Variants in PDLIM5 observed in about 807,000 individuals in gnomAD.
The protein encoded by PDLIM5 is PDZ and LIM domain 5, also known as PDZ and LIM domain protein 5.
In PDLIM5, 34 loss-of-function variants were observed where a neutral mutation model predicts 64.2. The observed-to-expected ratio is 0.53, with a 90% CI of 0.40 to 0.71. The LOEUF is 0.71. PDLIM5 is among the 30% of genes least tolerant of loss of function. The pLI, the probability that PDLIM5 is intolerant of heterozygous loss-of-function variation, is 0.00. For synonymous variants in PDLIM5, 253 were observed against 269.1 expected, an observed-to-expected ratio of 0.94 and a Z score of 0.59; for missense variants, 683 against 733.6, an observed-to-expected ratio of 0.93 and a Z score of 0.80.
intron 3 of PDLIM5, among the ~76,000 whole-genome samples, chr4:94,525,873 G>T (rs1327268945): frequency 6.6e-6 from 1 of 152,086 alleles, no homozygotes. Flanking sequence ...AAAGTAATTG[G>T]TTATAAAAAA....
chr4:94,464,702 T>C (rs1339888021), intron 2 of PDLIM5, among the ~76,000 whole-genome samples: 1 of 152,244 alleles, frequency 6.6e-6, no homozygotes, highest in Non-Finnish European at 1.5e-5. Context: ...ATCTTTATGC[T>C]ACTCACTTGC....
At position 94,557,265 on chromosome 4, in the gene PDLIM5, ATC is replaced by A. The variant is rs1438520565; in HGVS notation, c.249-16082_249-16081del. Among the ~76,000 whole-genome samples the A allele has an allele frequency of 6.6e-5, 10 of 152,172 alleles. No individual in the cohort carries two copies. In the South Asian group the frequency reaches 1.2e-3, roughly 19 times the overall value. On this transcript the variant is annotated intron_variant, in intron 3 of 12. Transcript: ENST00000317968. ...GCTCTGTTCTGTTCCATTGGTCTATATCTCTGTTTTGGTACCAGTACCATGCT... is the reference window on the plus strand; with the variant it reads ...GCTCTGTTCTGTTCCATTGGTCTATATCTGTTTTGGTACCAGTACCATGCT...
intron 8 of PDLIM5, among the ~76,000 whole-genome samples, chr4:94,632,703 A>T (rs970135964): frequency 6.6e-6 from 1 of 152,216 alleles, no homozygotes; most frequent in Non-Finnish European, 1.5e-5. Flanking sequence ...GACCCAATGT[A>T]ATCACAAGGG....
chr4:94,666,057 T>A lies in PDLIM5; in HGVS notation c.*1990T>A. On this transcript the variant is annotated 3_prime_UTR_variant, in exon 13 of 13. Transcript: ENST00000317968. ...GAAAGTCCATGAACCTCCTAAGTTA[T>A]AATTTAAATTTGTTTGGGGCAAGGT... 6.5e-7 allele frequency: 1 copy of A among 1,527,434 alleles called. No homozygotes were observed. Among genetic ancestry groups the A allele is most frequent in the Non-Finnish European group, 8.8e-7 (1 of 1,140,522 alleles). The allele number at this position is 1,527,434 out of a possible 1,614,324, so 94.6% of individuals were successfully genotyped here.
intron 3 of PDLIM5, among the ~76,000 whole-genome samples, chr4:94,562,029 A>G (rs1733898725): frequency 6.6e-6 from 1 of 152,196 alleles, no homozygotes; most frequent in Admixed American, 6.5e-5. Context: ...AGATCTGCTT[A>G]TTTTATGTCT....
intron 8 of PDLIM5, among the ~76,000 whole-genome samples, chr4:94,632,407 A>C (rs1468189622): frequency 6.6e-6 from 1 of 152,202 alleles, no homozygotes. Flanking sequence ...TCACTCTTCA[A>C]AACTTTTTAC....
chr4:94,603,616 A>T (rs980281806), intron 7 of PDLIM5, among the ~76,000 whole-genome samples: 4 of 152,142 alleles, frequency 2.6e-5, no homozygotes, highest in African/African-American at 9.7e-5. Flanking sequence ...GCTCCAAGAG[A>T]TCCACACCGC....
chr4:94,496,044 G>A (rs1727360452), intron 2 of PDLIM5, among the ~76,000 whole-genome samples: 1 of 149,762 alleles, frequency 6.7e-6, no homozygotes, highest in Admixed American at 6.6e-5. Flanking sequence ...TAAAGAATAT[G>A]TGACATTTCT....
intron 7 of PDLIM5, among the ~76,000 whole-genome samples, chr4:94,594,816 A>C (rs948077370): frequency 6.6e-6 from 1 of 152,284 alleles, no homozygotes; most frequent in African/African-American, 2.4e-5. Flanking sequence ...CATTTTTATC[A>C]GTCTTTTCTT....
chr4:94,609,385 G>A (rs1198340631), intron 7 of PDLIM5, among the ~76,000 whole-genome samples: 1 of 151,946 alleles, frequency 6.6e-6, no homozygotes, highest in Non-Finnish European at 1.5e-5. Context: ...TCCTGTCCAG[G>A]CATTTGATCT....
chr4:94,665,754 T>C lies in PDLIM5; in HGVS notation c.*1687T>C. 1 of 1,237,766 alleles carries C rather than the reference T, an allele frequency of 8.1e-7. No individual in the cohort carries two copies. The highest frequency in any genetic ancestry group is 1.0e-6 in the Non-Finnish European group (1 of 990,282). The allele number at this position is 1,237,766 out of a possible 1,614,324, so 76.7% of individuals were successfully genotyped here. On this transcript the variant is annotated 3_prime_UTR_variant, in exon 13 of 13. Coordinates refer to ENST00000317968, the MANE Select transcript of PDLIM5 (RefSeq NM_006457.5). Reference sequence around the variant, plus strand: ...TGAGGATGTGATGAAATTGAGACTTTTTGTGGTTTTCTCTCAATAATAAGT... The same window carrying C: ...TGAGGATGTGATGAAATTGAGACTTCTTGTGGTTTTCTCTCAATAATAAGT...
intron 3 of PDLIM5, among the ~76,000 whole-genome samples, chr4:94,531,449 T>G (rs1459935706): frequency 1.3e-5 from 2 of 152,184 alleles, no homozygotes; most frequent in East Asian, 1.9e-4. Context: ...TTGGCTTCCT[T>G]GGGCCACGTT....
intron 2 of PDLIM5, among the ~76,000 whole-genome samples, chr4:94,503,836 G>C (rs1728147163): frequency 6.6e-6 from 1 of 152,160 alleles, no homozygotes; most frequent in Non-Finnish European, 1.5e-5. Flanking sequence ...ATAAATAGCA[G>C]GTTGTGATTT....
intron 2 of PDLIM5, among the ~76,000 whole-genome samples, chr4:94,521,492 T>C (rs949266386): frequency 1.3e-5 from 2 of 151,960 alleles, no homozygotes; most frequent in East Asian, 1.9e-4. Flanking sequence ...TCCATGTGGC[T>C]ATAGGATTCC....
At chr4:94,594,690 A>G (rs972905178) in intron 7 of PDLIM5, among the ~76,000 whole-genome samples, 2 of 152,124 alleles carry the variant, frequency 1.3e-5, no homozygotes, top group East Asian at 1.9e-4. Flanking sequence ...CATGTTCTCA[A>G]TTTTCTACTA....
At position 94,665,567 on chromosome 4, in the gene PDLIM5, C is replaced by A; in HGVS notation, c.*1500C>A. On this transcript the variant is annotated 3_prime_UTR_variant, in exon 13 of 13. Coordinates refer to ENST00000317968, the MANE Select transcript of PDLIM5 (RefSeq NM_006457.5). ...GGAATTGTGAATCAGAAGATTATAC[C>A]CCCCAATTGTTTTTCAATCCCCTTT... 1.1e-6 allele frequency: 1 copy of A among 909,508 alleles called. No homozygotes were observed. Among genetic ancestry groups the A allele is most frequent in the Non-Finnish European group, 1.3e-6 (1 of 785,390 alleles). The allele number at this position is 909,508 out of a possible 1,614,324, so 56.3% of individuals were successfully genotyped here. A position where few individuals can be genotyped will look rare whatever the true frequency, so the allele number is the denominator to read the frequency against.
chr4:94,578,288 T>G (rs1169504391), intron 5 of PDLIM5, among the ~76,000 whole-genome samples: 2 of 152,178 alleles, frequency 1.3e-5, no homozygotes, highest in Non-Finnish European at 2.9e-5. Context: ...ATTTTTAAAC[T>G]GAAACTAGGC....
intron 11 of PDLIM5, among the ~76,000 whole-genome samples, chr4:94,660,734 G>A (rs1012990690): frequency 2.8e-4 from 42 of 152,196 alleles, no homozygotes; most frequent in Non-Finnish European, 1.9e-4. Flanking sequence ...ATTGACAATT[G>A]CCAAGTAAGG....
chr4:94,554,467 C>T (rs1353805258), intron 3 of PDLIM5, among the ~76,000 whole-genome samples: 1 of 151,878 alleles, frequency 6.6e-6, no homozygotes, highest in African/African-American at 2.4e-5. Flanking sequence ...TATATACATT[C>T]GTACGTACAT....
Sources: allele counts gnomAD v4.1 joint callset (sites outside exome capture counted in the v4.1 genomes callset), GRCh38; gene constraint gnomAD v4.1.1; transcripts MANE v1.5; gene names NCBI Gene and HGNC (gene_info 2026-07-23, HGNC 2026-07-21).